CDH13: variants seen among roughly 807,000 people sequenced by gnomAD.
CDH13 encodes the protein cadherin 13.
Under a neutral mutation model 63.8 loss-of-function variants are expected in CDH13, and 24 were observed. The observed-to-expected ratio is 0.38, with a 90% CI of 0.27 to 0.53. CDH13 has a LOEUF of 0.53. Ranked by LOEUF, CDH13 falls within the 20% of genes least tolerant of loss-of-function variation. CDH13 has a pLI of 0.85. For missense variants in CDH13, 1,049 were observed against 903.1 expected, an observed-to-expected ratio of 1.16 and a Z score of -2.07; for synonymous variants, 503 against 355.3, an observed-to-expected ratio of 1.42 and a Z score of -4.67.
At chr16:83,119,858 A>T (rs1270314492) in intron 3 of CDH13, among the ~76,000 whole-genome samples, 5 of 152,216 alleles carry the variant, frequency 3.3e-5, no homozygotes, top group African/African-American at 1.2e-4. Flanking sequence ...GTACAGCCAC[A>T]AATATAGAAG....
chr16:82,866,265 C>G (rs565855680), intron 2 of CDH13, among the ~76,000 whole-genome samples: 7 of 152,158 alleles, frequency 4.6e-5, no homozygotes, highest in African/African-American at 1.7e-4. Flanking sequence ...CAGCCCCTGC[C>G]TGTTACACAT....
intron 6 of CDH13, among the ~76,000 whole-genome samples, chr16:83,377,392 G>A (rs542529796): frequency 5.3e-5 from 8 of 152,230 alleles, no homozygotes; most frequent in East Asian, 1.9e-4. Context: ...ACATCTCAAA[G>A]GCTATCTCTC....
rs533435451 is a variant in CDH13 at position 82,934,497 on chromosome 16, C to T, written c.157+76024C>T. Among the ~76,000 whole-genome samples the T allele has an allele frequency of 4.2e-4, 64 of 152,322 alleles. No homozygotes were observed. In the Middle Eastern group the frequency reaches 0.01, roughly 24 times the overall value. On this transcript the variant is annotated intron_variant, in intron 2 of 13. Transcript: ENST00000567109. ...AGATCTGTGACATGCCCTGCAATTT[C>T]CCCATTGTCTTGGTGATTAACATTT...
At chr16:83,227,929 T>C (rs909986896) in intron 5 of CDH13, among the ~76,000 whole-genome samples, 7 of 152,184 alleles carry the variant, frequency 4.6e-5, no homozygotes, top group African/African-American at 1.7e-4. Flanking sequence ...CCCTGCTTCA[T>C]GGAGCTCTGT....
intron 11 of CDH13, among the ~76,000 whole-genome samples, chr16:83,776,851 C>G (rs1915149975): frequency 6.6e-6 from 1 of 152,226 alleles, no homozygotes; most frequent in Non-Finnish European, 1.5e-5. Context: ...ACCCCTCTGG[C>G]ATTCTGAACT....
At chr16:83,101,171 C>A (rs1355822193) in intron 3 of CDH13, among the ~76,000 whole-genome samples, 1 of 151,252 alleles carries the variant, frequency 6.6e-6, no homozygotes, top group Non-Finnish European at 1.5e-5. Context: ...ATTTATATAT[C>A]ATTTGTCTCT....
intron 2 of CDH13, among the ~76,000 whole-genome samples, chr16:82,984,292 T>A (rs1007707806): frequency 6.6e-6 from 1 of 152,212 alleles, no homozygotes; most frequent in African/African-American, 2.4e-5. Flanking sequence ...AGACTTGAAG[T>A]ATCATTCAGC....
intron 1 of CDH13, among the ~76,000 whole-genome samples, chr16:82,661,966 G>C (rs1911999815): frequency 6.6e-6 from 1 of 152,204 alleles, no homozygotes; most frequent in African/African-American, 2.4e-5. Context: ...AAAATTCAGT[G>C]TCTTGATCAC....
At chr16:82,961,425 C>G (rs1029029085) in intron 2 of CDH13, among the ~76,000 whole-genome samples, 1 of 152,034 alleles carries the variant, frequency 6.6e-6, no homozygotes, top group Non-Finnish European at 1.5e-5. Context: ...CTGGGTAAAT[C>G]TTCTCCATAC....
chr16:83,697,885 G>C (rs1905623760), intron 10 of CDH13, among the ~76,000 whole-genome samples: 1 of 152,220 alleles, frequency 6.6e-6, no homozygotes, highest in Non-Finnish European at 1.5e-5. Context: ...GGCCTCAAGT[G>C]GTCTGCCCCG....
At chr16:83,116,188 C>T (rs1028840470) in intron 3 of CDH13, among the ~76,000 whole-genome samples, 1 of 152,214 alleles carries the variant, frequency 6.6e-6, no homozygotes, top group Non-Finnish European at 1.5e-5. Context: ...TTTTGGGACA[C>T]CTTCCCCATT....
intron 2 of CDH13, among the ~76,000 whole-genome samples, chr16:82,928,994 C>T (rs2151291949): frequency 6.6e-6 from 1 of 152,244 alleles, no homozygotes; most frequent in East Asian, 1.9e-4. Context: ...CAATTTTTGC[C>T]TGGCACTTTC....
At chr16:82,852,624 C>G (rs898075601) in intron 1 of CDH13, among the ~76,000 whole-genome samples, 1 of 152,194 alleles carries the variant, frequency 6.6e-6, no homozygotes, top group Non-Finnish European at 1.5e-5. Context: ...AGACTAATCT[C>G]AATGACAGTT....
intron 5 of CDH13, among the ~76,000 whole-genome samples, chr16:83,268,127 G>A (rs1022890453): frequency 6.6e-6 from 1 of 152,148 alleles, no homozygotes; most frequent in African/African-American, 2.4e-5. Context: ...TAACTCAGTG[G>A]TAGGACCAGA....
At chr16:83,776,759 T>C (rs932659946) in intron 11 of CDH13, among the ~76,000 whole-genome samples, 4 of 152,168 alleles carry the variant, frequency 2.6e-5, no homozygotes, top group Non-Finnish European at 2.9e-5. Context: ...TAATTATGGG[T>C]CATTGACTCC....
intron 4 of CDH13, among the ~76,000 whole-genome samples, chr16:83,183,756 T>A (rs1419149534): frequency 6.6e-6 from 1 of 152,178 alleles, no homozygotes; most frequent in Non-Finnish European, 1.5e-5. Flanking sequence ...TAGTCTAGTC[T>A]CAGACATCAG....
chr16:83,478,344 C>T (rs899574736), intron 6 of CDH13, among the ~76,000 whole-genome samples: 3 of 152,148 alleles, frequency 2.0e-5, no homozygotes, highest in African/African-American at 7.2e-5. Flanking sequence ...CCTGTATGGG[C>T]ACTGGGTGAG....
chr16:83,508,430 A>T (rs370649035), intron 7 of CDH13: 7 of 153,778 alleles, frequency 4.6e-5, no homozygotes, highest in African/African-American at 1.7e-4. Flanking sequence ...GCTCACCCAG[A>T]TCCCCAGGAA....
chr16:82,628,788 G>A (rs901697430), intron 1 of CDH13, among the ~76,000 whole-genome samples: 19 of 152,166 alleles, frequency 1.2e-4, no homozygotes, highest in African/African-American at 4.1e-4. Flanking sequence ...TTAGCAAGGC[G>A]GTTTGGAGCA....
Sources: allele counts gnomAD v4.1 joint callset (sites outside exome capture counted in the v4.1 genomes callset), GRCh38; gene constraint gnomAD v4.1.1; transcripts MANE v1.5; gene names NCBI Gene and HGNC (gene_info 2026-07-23, HGNC 2026-07-21).